ZHX3: variants seen among roughly 807,000 people sequenced by gnomAD.
ZHX3 encodes the protein zinc fingers and homeoboxes 3.
In ZHX3, 20 loss-of-function variants were observed where a neutral mutation model predicts 64.5. The ratio of observed to expected loss-of-function variants is 0.31; its 90% CI spans 0.22 to 0.45. The LOEUF is 0.45. Among genes scored for constraint, ZHX3 ranks in the 20% least tolerant of loss-of-function variants. The pLI is 1.00. For missense variants in ZHX3, 1,041 were observed against 1,195.8 expected, an observed-to-expected ratio of 0.87 and a Z score of 1.91; for synonymous variants, 423 against 461.6, an observed-to-expected ratio of 0.92 and a Z score of 1.07.
At chr20:41,215,963 A>T (rs1288491202) in intron 2 of ZHX3, among the ~76,000 whole-genome samples, 1 of 151,464 alleles carries the variant, frequency 6.6e-6, no homozygotes, top group Non-Finnish European at 1.5e-5. Flanking sequence ...AAAAAAAAAA[A>T]GGAAATAATG....
At chr20:41,285,146 C>T (rs1226223876) in intron 1 of ZHX3, among the ~76,000 whole-genome samples, 2 of 152,056 alleles carry the variant, frequency 1.3e-5, no homozygotes, top group Non-Finnish European at 2.9e-5. Context: ...ACCTAACATG[C>T]TAAACTATAA....
chr20:41,290,955 AT>A lies in ZHX3; in HGVS notation c.-244-21873del, dbSNP rs1300834214. Among the ~76,000 whole-genome samples the A allele has an allele frequency of 2.6e-5, 4 of 152,188 alleles. No individual in the cohort carries two copies. The East Asian group carries it at 7.7e-4, about 29-fold the overall frequency. On this transcript the variant is annotated intron_variant, in intron 1 of 3. Transcript: ENST00000683867. Reference sequence around the variant, plus strand: ...TGGGACAATAAACAGTGACCCAATAATTTGCTTCCTCCCTGCCTACAACTTT... The same window carrying A: ...TGGGACAATAAACAGTGACCCAATAATTGCTTCCTCCCTGCCTACAACTTT...
intron 2 of ZHX3, among the ~76,000 whole-genome samples, chr20:41,218,924 T>G (rs79386808): frequency 3.4e-4 from 36 of 105,052 alleles, no homozygotes; most frequent in African/African-American, 4.1e-4. Flanking sequence ...AACAGTGCTG[T>G]TTTTTTTTTT....
At chr20:41,267,856 A>G (rs1473587011) in intron 2 of ZHX3, among the ~76,000 whole-genome samples, 1 of 152,226 alleles carries the variant, frequency 6.6e-6, no homozygotes, top group African/African-American at 2.4e-5. Context: ...CAGTGTGATG[A>G]AGCAGTCAGT....
chr20:41,196,576 A>C (rs867884908), intron 3 of ZHX3: 1 of 93,234 alleles, frequency 1.1e-5, no homozygotes, highest in Non-Finnish European at 2.0e-5. Flanking sequence ...TATATATAAA[A>C]ATATATATAT....
chr20:41,317,546 C>T lies in ZHX3; in HGVS notation c.-282G>A, dbSNP rs1021971052. 2 of 147,344 alleles carry T rather than the reference C, an allele frequency of 1.4e-5. No homozygotes were observed. The highest frequency in any genetic ancestry group is 4.9e-5 in the African/African-American group (2 of 40,918). The allele number at this position is 147,344 out of a possible 1,614,324, so 9.1% of individuals were successfully genotyped here. A position where few individuals can be genotyped will look rare whatever the true frequency, so the allele number is the denominator to read the frequency against. On this transcript the variant is annotated 5_prime_UTR_variant, in exon 1 of 4. Transcript: ENST00000683867. Reference sequence around the variant, plus strand: ...GCGGTGGCGGCGCCCGCGACCGGGCCGCTCTTCCCGCGCTGCGGGCCTCCC... The same window carrying T: ...GCGGTGGCGGCGCCCGCGACCGGGCTGCTCTTCCCGCGCTGCGGGCCTCCC...
At chr20:41,248,098 G>C (rs1349686099) in intron 2 of ZHX3, among the ~76,000 whole-genome samples, 1 of 152,120 alleles carries the variant, frequency 6.6e-6, no homozygotes, top group Non-Finnish European at 1.5e-5. Context: ...TCTACTTATA[G>C]TACCTGAAAC....
At chr20:41,284,308 C>T (rs1289062642) in intron 1 of ZHX3, among the ~76,000 whole-genome samples, 1 of 152,180 alleles carries the variant, frequency 6.6e-6, no homozygotes, top group Non-Finnish European at 1.5e-5. Context: ...TCTCCAATTG[C>T]TTCAAGTCCC....
chr20:41,303,903 T>C (rs1345538830), intron 1 of ZHX3, among the ~76,000 whole-genome samples: 1 of 152,180 alleles, frequency 6.6e-6, no homozygotes, highest in Non-Finnish European at 1.5e-5. Flanking sequence ...GCATCTCTAC[T>C]TCATTACCAT....
chr20:41,305,538 A>C (rs1019201015), intron 1 of ZHX3, among the ~76,000 whole-genome samples: 3 of 152,056 alleles, frequency 2.0e-5, no homozygotes, highest in African/African-American at 7.2e-5. Flanking sequence ...TAATCTCAGC[A>C]CTTTGGGAGG....
chr20:41,210,017 C>G (rs1308199584), intron 2 of ZHX3, among the ~76,000 whole-genome samples: 3 of 152,124 alleles, frequency 2.0e-5, no homozygotes, highest in Non-Finnish European at 4.4e-5. Context: ...TCAAAGAACC[C>G]CATCAACAAG....
chr20:41,247,391 GT>G (rs2041761035), intron 2 of ZHX3, among the ~76,000 whole-genome samples: 1 of 152,146 alleles, frequency 6.6e-6, no homozygotes, highest in Non-Finnish European at 1.5e-5. Context: ...CTACTTCCTA[GT>G]GTAGGTCATT....
intron 2 of ZHX3, among the ~76,000 whole-genome samples, chr20:41,250,265 G>T (rs1420095665): frequency 6.6e-6 from 1 of 152,140 alleles, no homozygotes; most frequent in Non-Finnish European, 1.5e-5. Flanking sequence ...AATCATCGTT[G>T]GAACCACAAG....
In ZHX3 at chr20:41,317,591, G is replaced by A. The variant is rs2045325685; in HGVS notation, c.-327C>T. The A allele has an allele frequency of 6.8e-6, 1 of 147,436 alleles. No individual in the cohort carries two copies. Among genetic ancestry groups the A allele is most frequent in the Admixed American group, 6.7e-5 (1 of 14,826 alleles). The allele number at this position is 147,436 out of a possible 1,614,324, so 9.1% of individuals were successfully genotyped here. A position where few individuals can be genotyped will look rare whatever the true frequency, so the allele number is the denominator to read the frequency against. ...CCTCCCTCCCCGCGGCCGGGCGGGCGGCCGGCGCAGGCCCCGCAGAGGCGG... is the reference window on the plus strand; with the variant it reads ...CCTCCCTCCCCGCGGCCGGGCGGGCAGCCGGCGCAGGCCCCGCAGAGGCGG... On this transcript the variant is annotated 5_prime_UTR_variant, in exon 1 of 4. Transcript: ENST00000683867.
At position 41,226,659 on chromosome 20, in the gene ZHX3, A is replaced by T. The variant is rs1472124534; in HGVS notation, c.-150-21593T>A. On this transcript the variant is annotated intron_variant, in intron 2 of 3. Transcript: ENST00000683867. This position sits in a 1 kb window ranked among gnomAD's most constrained non-coding sequence, Gnocchi z 4.4. ...CCTTTTTTGATCCTGTCATCAAATT[A>T]TCTTCCTCTCAAGCTCACTCCCTAG... Among the ~76,000 whole-genome samples, 1 of 152,172 alleles carries T rather than the reference A, an allele frequency of 6.6e-6. No homozygotes were observed.
chr20:41,191,592 T>C (rs2037024413), intron 3 of ZHX3, among the ~76,000 whole-genome samples: 2 of 152,238 alleles, frequency 1.3e-5, no homozygotes, highest in African/African-American at 4.8e-5. Context: ...TGTGTCCTTA[T>C]GTTGATATCT....
rs554524979 is a variant in ZHX3 at position 41,199,575 on chromosome 20, T to A, written c.2860+2482A>T. 7.3e-5 allele frequency among the ~76,000 whole-genome samples: 11 copies of A among 151,416 alleles called. No homozygotes were observed. In the East Asian group the frequency reaches 1.6e-3, roughly 21 times the overall value. ...AAGGAGGAATAAAGAAAAAAAAAAA[T>A]AGGTACTGTCTCTTTAAATCCCCTT... On this transcript the variant is annotated intron_variant, in intron 3 of 3. Transcript: ENST00000683867.
At chr20:41,283,877 G>A (rs1373927604) in intron 1 of ZHX3, among the ~76,000 whole-genome samples, 2 of 152,168 alleles carry the variant, frequency 1.3e-5, no homozygotes, top group African/African-American at 4.8e-5. Context: ...AACAGTAATG[G>A]ATAATTACTT....
chr20:41,296,475 T>G (rs758720573), intron 1 of ZHX3, among the ~76,000 whole-genome samples: 5 of 152,168 alleles, frequency 3.3e-5, no homozygotes, highest in Non-Finnish European at 7.4e-5. Context: ...GAAATAATAC[T>G]ACTTGCCCCA....
Sources: allele counts gnomAD v4.1 joint callset (sites outside exome capture counted in the v4.1 genomes callset), GRCh38; gene constraint gnomAD v4.1.1; non-coding constraint Gnocchi (gnomAD v3.1); transcripts MANE v1.5; gene names NCBI Gene and HGNC (gene_info 2026-07-23, HGNC 2026-07-21).